The following SIDT1 variants were observed in gnomAD, a reference collection of about 807,000 sequenced individuals.
The protein encoded by SIDT1 is SID1 transmembrane family member 1, also known as SID1 transmembrane family, member 1.
A neutral mutation model predicts 107.5 loss-of-function variants in SIDT1; 101 were observed. That is an observed-to-expected ratio of 0.94 (90% CI 0.80 to 1.11). The LOEUF (loss-of-function observed/expected upper bound fraction) is 1.11. Ranked by LOEUF, SIDT1 falls within the 50% of genes least tolerant of loss-of-function variation. SIDT1 has a pLI of 0.00. For synonymous variants in SIDT1, 395 were observed against 398.2 expected (o/e 0.99, Z 0.10); for missense variants, 1,076 against 1,058.2 (o/e 1.02, Z -0.23).
downstream of SIDT1, among the ~76,000 whole-genome samples, chr3:113,630,801 C>T (rs531241685): frequency 1.1e-4 from 16 of 152,256 alleles, no homozygotes; most frequent in South Asian, 6.2e-4. Flanking sequence ...GCAGTGCTCA[C>T]GCAGACAGGA....
chr3:113,606,991 C>A, intron 14 of SIDT1, 50 bp from the exon 15 acceptor site: 1 of 1,185,684 alleles, frequency 8.4e-7, no homozygotes, highest in Non-Finnish European at 1.3e-6. Context: ...TGCTGGGGCT[C>A]AGAGGACGGA....
intron 9 of SIDT1, among the ~76,000 whole-genome samples, chr3:113,589,401 A>C (rs1406053228): frequency 2.0e-5 from 3 of 152,210 alleles, no homozygotes; most frequent in Non-Finnish European, 4.4e-5. Context: ...CATAATCAAA[A>C]CATATCATCT....
intron 23 of SIDT1, 104 bp from the exon 24 acceptor site, chr3:113,625,998 C>A: frequency 1.3e-6 from 1 of 779,858 alleles, no homozygotes; most frequent in Non-Finnish European, 2.3e-6. Context: ...GCTAACTTTT[C>A]GAACCAGACA....
At chr3:113,621,867 C>T (rs990768890) in intron 21 of SIDT1, among the ~76,000 whole-genome samples, 9 of 152,136 alleles carry the variant, frequency 5.9e-5, no homozygotes, top group African/African-American at 1.7e-4. Context: ...TTCACACGTA[C>T]GGTCCAATAC....
intron 1 of SIDT1, among the ~76,000 whole-genome samples, chr3:113,561,140 T>G (rs1328698054): frequency 6.6e-6 from 1 of 152,234 alleles, no homozygotes; most frequent in African/African-American, 2.4e-5. Flanking sequence ...GTCCTTCATT[T>G]AGTTTTGCCT....
intron 1 of SIDT1, among the ~76,000 whole-genome samples, chr3:113,543,452 G>A (rs1939182383): frequency 6.6e-6 from 1 of 152,154 alleles, no homozygotes; most frequent in Non-Finnish European, 1.5e-5. Flanking sequence ...AGAGCTCCAT[G>A]CCTTTCGTCT....
Position 113,612,118 on chromosome 3 carries a change from C to G in SIDT1, c.1890C>G (p.Val630=). Residue 630 remains valine (V), a synonymous_variant, in exon 19 of 25, where the codon GTC becomes GTG. Coordinates refer to ENST00000264852, the MANE Select transcript of SIDT1 (RefSeq NM_017699.3). The stretch of plus-strand genomic sequence containing the variant: ...GAAAAAATGACGTATGGTTCTGGGT[C>G]ATCTTCTCTGCAATCCACGTTCTGG... ...VFGKNDVWFW[V]IFSAIHVLAS... 1.9e-6 allele frequency: 3 copies of G among 1,614,062 alleles called. No homozygotes were observed. The highest frequency in any genetic ancestry group is 2.5e-6 in the Non-Finnish European group (3 of 1,180,000).
the SIDT1 span, among the ~76,000 whole-genome samples, chr3:113,636,331 A>G: frequency 6.6e-6 from 1 of 152,172 alleles, no homozygotes; most frequent in Non-Finnish European, 1.5e-5. Context: ...TGAACCCAGG[A>G]GGTGGAGGTT....
intron 3 of SIDT1, among the ~76,000 whole-genome samples, chr3:113,574,181 T>C (rs1386235246): frequency 6.6e-6 from 1 of 152,164 alleles, no homozygotes; most frequent in East Asian, 1.9e-4. Context: ...GAGAGTTGGA[T>C]ATTTGTAGAT....
Position 113,533,190 on chromosome 3 carries a change from A to G in SIDT1, c.169A>G (p.Asn57Asp). 6.4e-7 allele frequency: 1 copy of G among 1,571,522 alleles called. No homozygotes were observed. Among genetic ancestry groups the G allele is most frequent in the Non-Finnish European group, 8.6e-7 (1 of 1,159,964 alleles). Residue 57 changes from asparagine to aspartate, a missense_variant, in exon 1 of 25, where the codon AAC (asparagine) becomes GAC (aspartate). Transcript: ENST00000264852. Reference protein sequence around the residue: ...DFDHVYSGVVNLSTENIYSFN... With the variant: ...DFDHVYSGVVDLSTENIYSFN... Reference sequence around the variant, plus strand: ...CGATCATGTCTACAGCGGGGTGGTGAACCTCAGCACCGAGAACATCTACTC... The same window carrying G: ...CGATCATGTCTACAGCGGGGTGGTGGACCTCAGCACCGAGAACATCTACTC...
intron 9 of SIDT1, among the ~76,000 whole-genome samples, chr3:113,585,635 T>C (rs1054344525): frequency 4.6e-5 from 7 of 152,192 alleles, no homozygotes; most frequent in Admixed American, 1.3e-4. Flanking sequence ...TATCCTAACA[T>C]GGAGATTTAG....
intron 10 of SIDT1, among the ~76,000 whole-genome samples, chr3:113,595,713 G>T (rs1490156981): frequency 6.6e-6 from 1 of 152,110 alleles, no homozygotes; most frequent in East Asian, 1.9e-4. Flanking sequence ...TAGGTAAGAA[G>T]TAGGGAATAG....
At chr3:113,575,170 T>C (rs930381943) in intron 3 of SIDT1, among the ~76,000 whole-genome samples, 5 of 152,206 alleles carry the variant, frequency 3.3e-5, no homozygotes, top group African/African-American at 1.2e-4. Context: ...GTATTATGAC[T>C]GAAACTCAAA....
chr3:113,533,960 TGACTATCCC>T, intron 1 of SIDT1, among the ~76,000 whole-genome samples: 1 of 152,314 alleles, frequency 6.6e-6, no homozygotes, highest in East Asian at 1.9e-4. Context: ...AATGTTCCAG[TGACTATCCC>T]TTTGACATAT....
chr3:113,581,115 T>C (rs1395300135), intron 5 of SIDT1, among the ~76,000 whole-genome samples: 1 of 152,164 alleles, frequency 6.6e-6, no homozygotes, highest in Non-Finnish European at 1.5e-5. Flanking sequence ...AAAAGTGTTA[T>C]ACACTTTAAG....
chr3:113,612,990 A>G (rs1361322430), intron 19 of SIDT1, among the ~76,000 whole-genome samples: 1 of 152,226 alleles, frequency 6.6e-6, no homozygotes, highest in African/African-American at 2.4e-5. Context: ...AAGCTATTAA[A>G]TACATGAAAG....
At chr3:113,590,535 G>A (rs907827049) in intron 9 of SIDT1, among the ~76,000 whole-genome samples, 4 of 152,066 alleles carry the variant, frequency 2.6e-5, no homozygotes, top group Non-Finnish European at 5.9e-5. Context: ...GATTTTTTAG[G>A]ATATTCACTG....
intron 1 of SIDT1, among the ~76,000 whole-genome samples, chr3:113,545,114 TAA>T (rs554009768): frequency 1.7e-3 from 123 of 73,954 alleles, no homozygotes; most frequent in African/African-American, 4.4e-3. Flanking sequence ...GAGACTCTGT[TAA>T]AAAAAAAAAA....
rs114421895 is a variant in SIDT1, at chr3:113,588,965, A to T, written c.1001+3695A>T. Among the ~76,000 whole-genome samples the T allele has an allele frequency of 5.2e-3, 794 of 152,286 alleles. 5 individuals carry two copies. Among genetic ancestry groups the T allele is most frequent in the African/African-American group, 0.018 (762 of 41,546 alleles). On this transcript the variant is annotated intron_variant, in intron 9 of 24. Transcript: ENST00000264852. ...GAGAGTGTGGTCCACTGACAGATCA[A>T]CTAAGAGCTAGCTCTTCTGGGCTGG...
Sources: allele counts gnomAD v4.1 joint callset (sites outside exome capture counted in the v4.1 genomes callset), GRCh38; gene constraint gnomAD v4.1.1; transcripts MANE v1.5; gene names NCBI Gene and HGNC (gene_info 2026-07-23, HGNC 2026-07-21).